DCAF1: variants seen among roughly 807,000 people sequenced by gnomAD.
The protein encoded by DCAF1 is DDB1 and CUL4 associated factor 1, also known as DDB1- and CUL4-associated factor 1.
A neutral mutation model predicts 128.0 loss-of-function variants in DCAF1; 15 were observed. The observed-to-expected ratio is 0.12, with a 90% CI of 0.08 to 0.18. The LOEUF (loss-of-function observed/expected upper bound fraction) is 0.18. Ranked by LOEUF, DCAF1 falls within the 10% of genes least tolerant of loss-of-function variation. The pLI, the probability that DCAF1 is intolerant of heterozygous loss-of-function variation, is 1.00. For missense variants in DCAF1, 988 were observed against 1,649.5 expected (o/e 0.60, Z 6.95); for synonymous variants, 610 against 603.0 (o/e 1.01, Z -0.17).
chr3:51,450,544 G>C (rs917022332), intron 6 of DCAF1, among the ~76,000 whole-genome samples: 1 of 152,160 alleles, frequency 6.6e-6, no homozygotes, highest in Non-Finnish European at 1.5e-5. Flanking sequence ...CTAGATTCTA[G>C]AAGGAAACAT....
chr3:51,418,220 T>C (rs1553631101), intron 16 of DCAF1, 22 bp from the exon 17 acceptor site: 5 of 1,597,932 alleles, frequency 3.1e-6, no homozygotes, highest in Non-Finnish European at 3.4e-6. Flanking sequence ...AGGCGCAAGG[T>C]GGGTAACCAC....
At chr3:51,496,674 C>T (rs1708267744) in intron 2 of DCAF1, among the ~76,000 whole-genome samples, 60 bp downstream of exon 2, 2 of 151,928 alleles carry the variant, frequency 1.3e-5, no homozygotes, top group Non-Finnish European at 2.9e-5. Flanking sequence ...TCCCCAAGAC[C>T]AGCTAGTACT....
chr3:51,397,345 A>ATCTT (rs1467543708), downstream of DCAF1: 1 of 167,072 alleles, frequency 6.0e-6, no homozygotes, highest in Non-Finnish European at 1.5e-5. Context: ...CCTCTGAAGT[A>ATCTT]TCTTTCTACA....
At chr3:51,419,092 G>T (rs1699158946) in intron 15 of DCAF1, among the ~76,000 whole-genome samples, 1 of 152,110 alleles carries the variant, frequency 6.6e-6, no homozygotes, top group South Asian at 2.1e-4. Flanking sequence ...CAGACACAGT[G>T]GCTCATGCCT....
chr3:51,466,656 A>C, intron 5 of DCAF1, 147 bp downstream of exon 5: 1 of 658,506 alleles, frequency 1.5e-6, no homozygotes, highest in Non-Finnish European at 2.6e-6. Context: ...AAGAGAAAGC[A>C]TTATGGCCAC....
rs1553635209 is a variant in DCAF1 at position 51,430,150 on chromosome 3, C to A, written c.1350G>T (p.Glu450Asp). The change falls in exon 11 of 25, where the codon GAG becomes GAT. Residue 450 changes from glutamate (E) to aspartate (D), a missense_variant. Physicochemically the swap from Glu to Asp is conservative, Grantham distance 45. Coordinates refer to ENST00000684031, the MANE Select transcript of DCAF1 (RefSeq NM_001387579.1). ...DVVNYTLWLM[E>D]CSHASGCCHA... is the part of the protein sequence containing the mutation. ...GGCAGCATCCTGAAGCATGAGAACA[C>A]TCCATTAACCACAGGGTATAGTTCA... 1 of 780,888 alleles carries A rather than the reference C, an allele frequency of 1.3e-6. No homozygotes were observed. The highest frequency in any genetic ancestry group is 1.3e-5 in the South Asian group (1 of 74,622). 48.4% of individuals were successfully genotyped at this position (780,888 alleles called of 1,614,324 possible). A position where few individuals can be genotyped will look rare whatever the true frequency, so the allele number is the denominator to read the frequency against.
At chr3:51,478,152 T>C (rs1247821451) in intron 3 of DCAF1, among the ~76,000 whole-genome samples, 1 of 151,934 alleles carries the variant, frequency 6.6e-6, no homozygotes, top group Non-Finnish European at 1.5e-5. Flanking sequence ...TACAGGCACG[T>C]GCCACCACGC....
chr3:51,478,848 T>A (rs781947719), intron 3 of DCAF1, among the ~76,000 whole-genome samples: 1 of 152,142 alleles, frequency 6.6e-6, no homozygotes, highest in South Asian at 2.1e-4. Flanking sequence ...CAGTCAGCAA[T>A]AATCCTGTTC....
chr3:51,483,581 A>C, intron 3 of DCAF1, 138 bp downstream of exon 3: 1 of 611,848 alleles, frequency 1.6e-6, no homozygotes, highest in Middle Eastern at 4.5e-4. Context: ...TATTCTCCAC[A>C]CCAATTTTTG....
intron 18 of DCAF1, 62 bp downstream of exon 18, chr3:51,416,725 A>C (rs1355430552): frequency 1.3e-5 from 21 of 1,556,546 alleles, no homozygotes; most frequent in Non-Finnish European, 1.7e-5. Context: ...TTCTATCAAG[A>C]AGATTTCAGT....
At chr3:51,443,552 T>C (rs1345031129) in intron 7 of DCAF1, among the ~76,000 whole-genome samples, 4 of 150,766 alleles carry the variant, frequency 2.7e-5, no homozygotes, top group Non-Finnish European at 1.5e-5. Flanking sequence ...ATTGCATCAC[T>C]GCACTCCAAC....
chr3:51,431,535 A>AG (rs1401299240), intron 10 of DCAF1, among the ~76,000 whole-genome samples: 1 of 151,788 alleles, frequency 6.6e-6, no homozygotes, highest in Non-Finnish European at 1.5e-5. Context: ...AAAAAAAAAA[A>AG]AAAGATTATA....
intron 2 of DCAF1, among the ~76,000 whole-genome samples, chr3:51,494,678 T>C (rs909513218): frequency 1.3e-5 from 2 of 152,124 alleles, no homozygotes; most frequent in Non-Finnish European, 2.9e-5. Flanking sequence ...TAAAGATTAA[T>C]TCAAGGGCAT....
At chr3:51,504,279 G>A (rs1005076669), upstream of DCAF1, among the ~76,000 whole-genome samples, 1 of 151,250 alleles carries the variant, frequency 6.6e-6, no homozygotes, top group Non-Finnish European at 1.5e-5. Flanking sequence ...CCCGTGATCC[G>A]CCCGCCTCTG....
At chr3:51,485,412 G>A (rs569346788) in intron 2 of DCAF1, among the ~76,000 whole-genome samples, 3 of 152,174 alleles carry the variant, frequency 2.0e-5, no homozygotes, top group South Asian at 2.1e-4. Flanking sequence ...GAATGCAGAA[G>A]GGCAGGGAGC....
chr3:51,480,206 ACTT>A (rs781996621), intron 3 of DCAF1, among the ~76,000 whole-genome samples: 1 of 151,956 alleles, frequency 6.6e-6, no homozygotes, highest in Non-Finnish European at 1.5e-5. Context: ...TTCTTGAACT[ACTT>A]CTTCTAAGGA....
Position 51,420,558 on chromosome 3 carries a change from C to T in DCAF1, c.2412G>A (p.Lys804=), listed in dbSNP as rs371836757. 6.2e-7 allele frequency: 1 copy of T among 1,613,976 alleles called. No individual in the cohort carries two copies. The highest frequency in any genetic ancestry group is 1.3e-5 in the African/African-American group (1 of 75,070). The change falls in exon 15 of 25, where the codon AAG becomes AAA. Residue 804 remains lysine, a synonymous_variant. Transcript: ENST00000684031. This position sits in a 1 kb window ranked among gnomAD's most constrained non-coding sequence, Gnocchi z 6.5. The part of the protein sequence containing the change: ...VLQDKRSDHV[K]FCKYAAELIE... ...TGAGTTCAGCAGCATACTTGCAGAACTTGACATGGTCACTGCGCTTGTCCT... is the reference window on the plus strand; with the variant it reads ...TGAGTTCAGCAGCATACTTGCAGAATTTGACATGGTCACTGCGCTTGTCCT...
In DCAF1 at chr3:51,493,450, GA is replaced by G. The variant is rs200346055; in HGVS notation, c.-9+3283del. Among the ~76,000 whole-genome samples, 89 of 144,374 alleles carry G rather than the reference GA, an allele frequency of 6.2e-4. No homozygotes were observed. The East Asian group carries it at 9.9e-3, about 16-fold the overall frequency. 94.7% of individuals were successfully genotyped at this position (144,374 alleles called of 152,430 possible). On this transcript the variant is annotated intron_variant, in intron 2 of 24. Coordinates refer to ENST00000684031, the MANE Select transcript of DCAF1 (RefSeq NM_001387579.1). ...ATGAGCGCAAAACTCCATCTCAGGG[GA>G]AAAAAAAAAGGAATTCAAACAAAGA...
At chr3:51,405,899 C>T (rs1253927589) in intron 23 of DCAF1, among the ~76,000 whole-genome samples, 3 of 152,218 alleles carry the variant, frequency 2.0e-5, no homozygotes, top group Admixed American at 1.3e-4. Context: ...CTGGGCACAA[C>T]GGCACACACC....
Sources: gnomAD v4.1 joint callset for allele counts (sites outside exome capture counted in the v4.1 genomes callset) on GRCh38, gnomAD v4.1.1 for gene constraint, Gnocchi (gnomAD v3.1) non-coding constraint, MANE v1.5 for transcripts, NCBI Gene and HGNC (gene_info 2026-07-23, HGNC 2026-07-21) for gene names.